ATAD2B: variants seen among roughly 807,000 people sequenced by gnomAD.
ATAD2B encodes ATPase family AAA domain-containing protein 2B.
A neutral mutation model predicts 167.6 loss-of-function variants in ATAD2B; 40 were observed. The ratio of observed to expected loss-of-function variants is 0.24; its 90% CI spans 0.19 to 0.31. ATAD2B has a LOEUF of 0.31. ATAD2B is among the 10% of genes least tolerant of loss of function. The probability of loss-of-function intolerance (pLI) is 1.00; values close to 1 mark genes in which losing one functional copy is unlikely to be tolerated. For missense variants in ATAD2B, 1,242 were observed against 1,757.2 expected (o/e 0.71, Z 5.24); for synonymous variants, 579 against 596.5 (o/e 0.97, Z 0.43).
At chr2:23,908,686 G>C (rs1213534791) in intron 1 of ATAD2B, among the ~76,000 whole-genome samples, 1 of 146,694 alleles carries the variant, frequency 6.8e-6, no homozygotes, top group Non-Finnish European at 1.5e-5. Context: ...ACACATGCAC[G>C]CGTATGTTTA....
the ATAD2B span, among the ~76,000 whole-genome samples, chr2:23,682,783 G>A: frequency 3.3e-5 from 5 of 151,964 alleles, no homozygotes; most frequent in Non-Finnish European, 5.9e-5. This position sits in a 1 kb window ranked among gnomAD's most constrained non-coding sequence, Gnocchi z 4.1. Context: ...CTCACCCCAC[G>A]TAGATCCTTC....
chr2:23,818,188 G>A (rs6748727), intron 17 of ATAD2B, among the ~76,000 whole-genome samples: 11,097 of 51,708 alleles, frequency 0.21, 1,072 homozygotes, highest in Middle Eastern at 0.42. Context: ...AGGGAGAGAC[G>A]GAGGGAGGGA....
chr2:23,776,588 C>A (rs1679167138), intron 22 of ATAD2B, among the ~76,000 whole-genome samples: 1 of 152,234 alleles, frequency 6.6e-6, no homozygotes, highest in African/African-American at 2.4e-5. Context: ...ATTCTCCAGA[C>A]TTGTTTTTTT....
Position 23,857,487 on chromosome 2 carries a change from G to T in ATAD2B, c.1496C>A (p.Pro499His). 2 of 1,477,510 alleles carry T rather than the reference G, an allele frequency of 1.4e-6. No individual in the cohort carries two copies. Among genetic ancestry groups the T allele is most frequent in the Admixed American group, 2.6e-5 (1 of 38,476 alleles). 91.5% of individuals were successfully genotyped at this position (1,477,510 alleles called of 1,614,324 possible). Reference protein sequence around the residue: ...LLFDQAYLMRPSIIFFDEIDG... With the variant: ...LLFDQAYLMRHSIIFFDEIDG... ...TATTTCATCAAAAAATATTATAGAA[G>T]GTCTCATCAAATATGCCTAGTAAGA... Residue 499 changes from proline (P) to histidine (H), a missense_variant, in exon 13 of 28, where the codon CCT becomes CAT. By Grantham distance (77) the Pro-to-His change is moderately conservative. Transcript: ENST00000238789.
intron 1 of ATAD2B, among the ~76,000 whole-genome samples, chr2:23,899,972 G>A (rs569015391): frequency 9.4e-4 from 134 of 142,492 alleles, no homozygotes; most frequent in African/African-American, 3.5e-3. Context: ...CGCCCAGGCT[G>A]GGGTACAGTG....
chr2:23,799,339 G>A (rs1683090665), intron 18 of ATAD2B, among the ~76,000 whole-genome samples: 1 of 152,018 alleles, frequency 6.6e-6, no homozygotes, highest in South Asian at 2.1e-4. Flanking sequence ...TTGGGAGGCT[G>A]AGACAGGCAG....
At chr2:23,819,675 T>A in intron 17 of ATAD2B, 72 bp downstream of exon 17, 3 of 1,207,086 alleles carry the variant, frequency 2.5e-6, no homozygotes, top group South Asian at 3.3e-5. Flanking sequence ...TAAGTAAAAA[T>A]ATACCATAAT....
At chr2:23,752,123 G>A in intron 27 of ATAD2B, 36 bp from the exon 28 acceptor site, 1 of 1,434,300 alleles carries the variant, frequency 7.0e-7, no homozygotes, top group Non-Finnish European at 9.6e-7. Flanking sequence ...TATCTATTAA[G>A]GGAAAGACAA....
At chr2:23,826,097 CA>C (rs561650702) in intron 15 of ATAD2B, among the ~76,000 whole-genome samples, 1 of 149,694 alleles carries the variant, frequency 6.7e-6, no homozygotes, top group Non-Finnish European at 1.5e-5. Context: ...GAAACTGAAA[CA>C]AAAAAAAACA....
the ATAD2B span, chr2:23,703,981 G>A: frequency 8.5e-7 from 1 of 1,173,796 alleles, no homozygotes; most frequent in Non-Finnish European, 1.2e-6. Flanking sequence ...CAGAGCAGTG[G>A]CCCTCCCCCT....
At chr2:23,695,484 G>T in the ATAD2B span, 2 of 667,588 alleles carry the variant, frequency 3.0e-6, no homozygotes, top group Non-Finnish European at 5.0e-6. This position sits in a 1 kb window ranked among gnomAD's most constrained non-coding sequence, Gnocchi z 7.6. Context: ...CTCTGTCTAG[G>T]CTAGCAGAGT....
At chr2:23,694,910 G>T in the ATAD2B span, among the ~76,000 whole-genome samples, 1 of 152,074 alleles carries the variant, frequency 6.6e-6, no homozygotes, top group African/African-American at 2.4e-5. Flanking sequence ...ATTAAACTGT[G>T]TACCCCTTGA....
the ATAD2B span, among the ~76,000 whole-genome samples, chr2:23,741,395 G>T: frequency 6.6e-6 from 1 of 152,030 alleles, no homozygotes; most frequent in African/African-American, 2.4e-5. Context: ...CAGAAATAAT[G>T]CCACATATCT....
the ATAD2B span, among the ~76,000 whole-genome samples, chr2:23,692,877 G>A: frequency 2.0e-4 from 31 of 152,200 alleles, no homozygotes; most frequent in Non-Finnish European, 3.7e-4. Context: ...TGGGACCACA[G>A]ACATGCCTGG....
the ATAD2B span, among the ~76,000 whole-genome samples, chr2:23,702,658 GC>G: frequency 2.0e-5 from 3 of 152,192 alleles, no homozygotes; most frequent in African/African-American, 7.2e-5. Flanking sequence ...GCTGCTGGGT[GC>G]CCCCTGCCAT....
chr2:23,729,561 C>T, the ATAD2B span, among the ~76,000 whole-genome samples: 24 of 152,186 alleles, frequency 1.6e-4, no homozygotes, highest in African/African-American at 5.8e-4. Flanking sequence ...AATATCCATT[C>T]TGTTTTATGG....
At chr2:23,873,962 A>G (rs1252499929) in intron 8 of ATAD2B, among the ~76,000 whole-genome samples, 2 of 151,564 alleles carry the variant, frequency 1.3e-5, no homozygotes. Context: ...TGAGGCAGGC[A>G]GATCACTTGA....
chr2:23,896,039 C>T (rs773924607), intron 1 of ATAD2B, 69 bp from the exon 2 acceptor site: 108 of 1,329,810 alleles, frequency 8.1e-5, no homozygotes, highest in Non-Finnish European at 1.1e-4. Context: ...ATACTAGGGG[C>T]CAGGCAGTGG....
At chr2:23,884,653 T>G (rs1698427106) in intron 6 of ATAD2B, 112 bp downstream of exon 6, 2 of 538,524 alleles carry the variant, frequency 3.7e-6, no homozygotes, top group Admixed American at 7.7e-5. Flanking sequence ...AATATAGACC[T>G]CAAAATCCAA....
Sources: gnomAD v4.1 joint callset for allele counts (sites outside exome capture counted in the v4.1 genomes callset) on GRCh38, gnomAD v4.1.1 for gene constraint, Gnocchi (gnomAD v3.1) non-coding constraint, MANE v1.5 for transcripts, NCBI Gene and HGNC (gene_info 2026-07-23, HGNC 2026-07-21) for gene names.